The following AP3B1 variants were observed in gnomAD, a reference collection of about 807,000 sequenced individuals.
The protein encoded by AP3B1 is adaptor related protein complex 3 subunit beta 1, also known as AP-3 complex subunit beta-1.
In AP3B1, 61 loss-of-function variants were observed where a neutral mutation model predicts 132.5. The ratio of observed to expected loss-of-function variants is 0.46; its 90% CI spans 0.37 to 0.57. The LOEUF is 0.57. Ranked by LOEUF, AP3B1 falls within the 20% of genes least tolerant of loss-of-function variation. The pLI is 0.00. For missense variants in AP3B1, 1,120 were observed against 1,289.4 expected (o/e 0.87, Z 2.01); for synonymous variants, 388 against 438.3 (o/e 0.89, Z 1.43).
At chr5:78,097,481 G>C (rs1406783594) in intron 21 of AP3B1, among the ~76,000 whole-genome samples, 2 of 130,952 alleles carry the variant, frequency 1.5e-5, no homozygotes, top group East Asian at 2.4e-4. Flanking sequence ...CCCTCTGCCC[G>C]GCCAGCCGCC....
intron 7 of AP3B1, among the ~76,000 whole-genome samples, chr5:78,202,562 T>A (rs868654058): frequency 1.1e-4 from 8 of 73,710 alleles, no homozygotes; most frequent in African/African-American, 4.8e-4. Context: ...AGTGTGTGTG[T>A]GTGTGTGTGT....
chr5:78,247,121 T>A (rs4704492), intron 2 of AP3B1, among the ~76,000 whole-genome samples: 130,578 of 151,076 alleles, frequency 0.86, 57,273 homozygotes, highest in African/African-American at 0.97. Context: ...TCAAATATTT[T>A]AAAAAAATTT....
chr5:78,028,186 T>C, intron 24 of AP3B1, among the ~76,000 whole-genome samples: 1 of 149,848 alleles, frequency 6.7e-6, no homozygotes, highest in East Asian at 2.0e-4. Context: ...GGCTGGGTGC[T>C]GTGGCTCACG....
At chr5:78,157,702 T>C (rs1216753888) in intron 13 of AP3B1, among the ~76,000 whole-genome samples, 2 of 152,234 alleles carry the variant, frequency 1.3e-5, no homozygotes, top group African/African-American at 2.4e-5. Context: ...TGGCATACAC[T>C]ACAAAGGTTT....
chr5:78,125,080 C>G (rs1003777152), intron 17 of AP3B1, among the ~76,000 whole-genome samples: 1 of 152,054 alleles, frequency 6.6e-6, no homozygotes, highest in Non-Finnish European at 1.5e-5. Flanking sequence ...AGAACATAGA[C>G]GCTAATTTGA....
intron 22 of AP3B1, among the ~76,000 whole-genome samples, chr5:78,069,228 T>A (rs1749426998): frequency 6.6e-6 from 1 of 152,200 alleles, no homozygotes; most frequent in African/African-American, 2.4e-5. Context: ...TCACCACTCC[T>A]ATTCAACATA....
intron 2 of AP3B1, 46 bp downstream of exon 2, chr5:78,267,474 G>T (rs2112562395): frequency 9.3e-7 from 1 of 1,077,768 alleles, no homozygotes. Context: ...TATGATCACT[G>T]CTTGTCCATT....
At chr5:78,192,168 A>G (rs75202361) in intron 7 of AP3B1, among the ~76,000 whole-genome samples, 6,244 of 151,946 alleles carry the variant, frequency 0.041, 190 homozygotes, top group East Asian at 0.13. Flanking sequence ...TCTGCAGTAT[A>G]TATTTCTACT....
intron 6 of AP3B1, among the ~76,000 whole-genome samples, chr5:78,223,279 A>G (rs1746266032): frequency 6.6e-6 from 1 of 152,078 alleles, no homozygotes; most frequent in Non-Finnish European, 1.5e-5. Flanking sequence ...GTTTTTTACT[A>G]TAGACAGAAA....
At chr5:78,174,873 C>T (rs563649920) in intron 11 of AP3B1, among the ~76,000 whole-genome samples, 12 of 152,348 alleles carry the variant, frequency 7.9e-5, no homozygotes, top group African/African-American at 2.4e-4. Context: ...TGGTGGGCTC[C>T]GCCCAATTCA....
At chr5:78,074,896 G>A (rs150136434) in intron 22 of AP3B1, among the ~76,000 whole-genome samples, 5,217 of 152,188 alleles carry the variant, frequency 0.034, 318 homozygotes, top group African/African-American at 0.12. Flanking sequence ...TTGCGCCACT[G>A]CACTGCAGCC....
chr5:78,011,016 G>T (rs116017413), intron 26 of AP3B1, among the ~76,000 whole-genome samples: 1 of 150,434 alleles, frequency 6.6e-6, no homozygotes. Context: ...GCAGATTGAC[G>T]CAATGACCAT....
At position 78,073,747 on chromosome 5, in the gene AP3B1, G is replaced by A. The variant is rs1292926095; in HGVS notation, c.2577+15646C>T. Among the ~76,000 whole-genome samples, 3 of 152,106 alleles carry A rather than the reference G, an allele frequency of 2.0e-5. No individual in the cohort carries two copies. In the East Asian group the frequency reaches 5.8e-4, roughly 29 times the overall value. On this transcript the variant is annotated intron_variant, in intron 22 of 26. Coordinates refer to ENST00000255194, the MANE Select transcript of AP3B1 (RefSeq NM_003664.5). ...GTATATTTAATAATAATAATTAAAA[G>A]CTAAAAATCATAATCTTAGGGAAAA...
chr5:78,107,401 T>C (rs546122713), intron 20 of AP3B1, among the ~76,000 whole-genome samples: 5 of 152,302 alleles, frequency 3.3e-5, no homozygotes, highest in African/African-American at 1.2e-4. Context: ...TCACTCTCAC[T>C]CATGTACACA....
chr5:78,236,160 T>C lies in AP3B1; in HGVS notation c.279+4702A>G, dbSNP rs972334090. Among the ~76,000 whole-genome samples, 13 of 152,290 alleles carry C rather than the reference T, an allele frequency of 8.5e-5. No individual in the cohort carries two copies. In the South Asian group the frequency reaches 2.5e-3, roughly 29 times the overall value. ...ACATTAGGCAGCTACCAGAATCTAA[T>C]TGTAAAGGGAAAATATGAGCAAATG... On this transcript the variant is annotated intron_variant, in intron 3 of 26. Transcript: ENST00000255194.
chr5:78,225,838 T>G (rs573552155), intron 5 of AP3B1, among the ~76,000 whole-genome samples: 1 of 151,978 alleles, frequency 6.6e-6, no homozygotes, highest in Non-Finnish European at 1.5e-5. Context: ...ATGGTTTAGT[T>G]AAGATAGTAC....
chr5:78,014,035 T>C (rs539655973), intron 26 of AP3B1, among the ~76,000 whole-genome samples: 13 of 152,126 alleles, frequency 8.5e-5, no homozygotes, highest in East Asian at 5.8e-4. Context: ...TGGTGCCGGG[T>C]GCCTGTAGTC....
At chr5:78,279,619 A>G (rs79366413) in intron 1 of AP3B1, among the ~76,000 whole-genome samples, 6,632 of 151,968 alleles carry the variant, frequency 0.044, 181 homozygotes, top group East Asian at 0.14. Context: ...TTAAGAATAT[A>G]TTTCAATGGC....
At chr5:78,166,118 CA>C (rs747280164) in intron 11 of AP3B1, among the ~76,000 whole-genome samples, 21 of 260 alleles carry the variant, frequency 0.081, no homozygotes, top group Admixed American at 0.12. Context: ...GAAACTCTGT[CA>C]CACACACACA....
Sources: gnomAD v4.1 joint callset for allele counts (sites outside exome capture counted in the v4.1 genomes callset) on GRCh38, gnomAD v4.1.1 for gene constraint, MANE v1.5 for transcripts, NCBI Gene and HGNC (gene_info 2026-07-23, HGNC 2026-07-21) for gene names.